ATXN8OS: variants seen among roughly 807,000 people sequenced by gnomAD.
ATXN8OS encodes the protein ATXN8 opposite strand lncRNA.
chr13:70,136,742 A>G, intron 3 of ATXN8OS, among the ~76,000 whole-genome samples: 1 of 152,188 alleles, frequency 6.6e-6, no homozygotes, highest in East Asian at 1.9e-4. Flanking sequence ...ACTTAGTTCC[A>G]TTTAATAGGT....
chr13:70,114,992 C>T (rs528526311), intron 1 of ATXN8OS: 271 of 391,172 alleles, frequency 6.9e-4, no homozygotes, highest in Middle Eastern at 3.2e-3. Context: ...AGAAGAGAGA[C>T]TCCTGGTATT....
chr13:70,110,842 C>T (rs536834740), intron 1 of ATXN8OS, among the ~76,000 whole-genome samples: 9 of 152,186 alleles, frequency 5.9e-5, no homozygotes, highest in African/African-American at 2.2e-4. Context: ...GTTTAACCAG[C>T]CATAAGTAAT....
chr13:70,130,331 A>C (rs1888513412), intron 3 of ATXN8OS, among the ~76,000 whole-genome samples: 1 of 152,190 alleles, frequency 6.6e-6, no homozygotes, highest in African/African-American at 2.4e-5. Context: ...AAAATTAAGG[A>C]TTAATGTGTA....
At chr13:70,158,247 G>T (rs1888961351) in intron 4 of ATXN8OS, among the ~76,000 whole-genome samples, 1 of 152,000 alleles carries the variant, frequency 6.6e-6, no homozygotes, top group African/African-American at 2.4e-5. Flanking sequence ...GTGAAACCCT[G>T]TCTCTACTAA....
At chr13:70,164,068 T>C (rs1355502094) in intron 4 of ATXN8OS, among the ~76,000 whole-genome samples, 1 of 140,006 alleles carries the variant, frequency 7.1e-6, no homozygotes, top group South Asian at 2.1e-4. Context: ...ATTATTATTA[T>C]TATTATTATT....
At chr13:70,151,983 A>C (rs1003821281) in intron 4 of ATXN8OS, among the ~76,000 whole-genome samples, 8 of 152,152 alleles carry the variant, frequency 5.3e-5, no homozygotes, top group African/African-American at 1.9e-4. Flanking sequence ...CTTAGCATAC[A>C]TTTTATAGTC....
intron 4 of ATXN8OS, among the ~76,000 whole-genome samples, chr13:70,165,199 T>C (rs1195906956): frequency 2.0e-5 from 3 of 151,776 alleles, no homozygotes; most frequent in African/African-American, 7.2e-5. Context: ...AAGCATATTG[T>C]TAATTTAAGA....
chr13:70,124,351 G>C (rs1413146803), intron 2 of ATXN8OS, among the ~76,000 whole-genome samples: 2 of 152,094 alleles, frequency 1.3e-5, no homozygotes, highest in East Asian at 3.9e-4. Flanking sequence ...TCACGAGGTT[G>C]TGTGCAGAAA....
chr13:70,158,788 C>T (rs1888967309), intron 4 of ATXN8OS, among the ~76,000 whole-genome samples: 1 of 152,052 alleles, frequency 6.6e-6, no homozygotes. Flanking sequence ...TGCAATATCT[C>T]TTGATTTTTG....
chr13:70,127,860 T>C (rs1006289742), intron 2 of ATXN8OS, among the ~76,000 whole-genome samples: 2 of 152,182 alleles, frequency 1.3e-5, no homozygotes, highest in Admixed American at 1.3e-4. Flanking sequence ...CAGATGACAA[T>C]TTATTCACCT....
intron 3 of ATXN8OS, among the ~76,000 whole-genome samples, chr13:70,130,317 C>T (rs1439761208): frequency 1.3e-5 from 2 of 152,072 alleles, no homozygotes; most frequent in Admixed American, 6.6e-5. Context: ...TCAACCATGA[C>T]TTTAAAATTA....
At chr13:70,123,872 G>A (rs1259341018) in intron 2 of ATXN8OS, among the ~76,000 whole-genome samples, 1 of 152,018 alleles carries the variant, frequency 6.6e-6, no homozygotes, top group Non-Finnish European at 1.5e-5. Context: ...TAACATTGGT[G>A]TTATTTGTAA....
chr13:70,129,706 G>A, intron 2 of ATXN8OS: 1 of 397,756 alleles, frequency 2.5e-6, no homozygotes, highest in Non-Finnish European at 4.4e-6. Flanking sequence ...TCAACCATCT[G>A]TACAGACTAG....
At chr13:70,140,632 A>G (rs184774643) in intron 3 of ATXN8OS, among the ~76,000 whole-genome samples, 200 of 152,066 alleles carry the variant, frequency 1.3e-3, no homozygotes, top group Non-Finnish European at 2.1e-3. Context: ...TCACCCAATT[A>G]TGTATAACTC....
At chr13:70,145,801 T>C (rs937928373) in intron 3 of ATXN8OS, among the ~76,000 whole-genome samples, 3 of 151,912 alleles carry the variant, frequency 2.0e-5, no homozygotes, top group Non-Finnish European at 4.4e-5. Flanking sequence ...CTGCAAACCA[T>C]AAAAACCCTA....
At chr13:70,169,441 C>T (rs894320028) in intron 4 of ATXN8OS, among the ~76,000 whole-genome samples, 7 of 151,954 alleles carry the variant, frequency 4.6e-5, no homozygotes, top group African/African-American at 1.4e-4. Context: ...GGATTACAGG[C>T]TCCTGCCACC....
chr13:70,134,206 T>C (rs1888575736), intron 3 of ATXN8OS, among the ~76,000 whole-genome samples: 1 of 152,096 alleles, frequency 6.6e-6, no homozygotes, highest in Admixed American at 6.6e-5. Context: ...TCAAACTAAG[T>C]GTAAATTACA....
intron 2 of ATXN8OS, among the ~76,000 whole-genome samples, chr13:70,129,302 C>A (rs1888493051): frequency 6.6e-6 from 1 of 151,914 alleles, no homozygotes; most frequent in African/African-American, 2.4e-5. Flanking sequence ...ATGTTGTTAA[C>A]AGATTTCTTA....
intron 4 of ATXN8OS, among the ~76,000 whole-genome samples, chr13:70,169,388 C>A (rs1371810949): frequency 6.6e-6 from 1 of 152,056 alleles, no homozygotes; most frequent in African/African-American, 2.4e-5. Context: ...CCTCCACCTG[C>A]TGGGTTCAAA....
Sources: allele counts gnomAD v4.1 joint callset (sites outside exome capture counted in the v4.1 genomes callset), GRCh38; gene constraint gnomAD v4.1.1; transcripts MANE v1.5; gene names NCBI Gene and HGNC (gene_info 2026-07-23, HGNC 2026-07-21).